TBC1D7: variants seen among roughly 807,000 people sequenced by gnomAD.
TBC1D7 encodes the protein TBC1 domain family member 7.
In TBC1D7, 33 loss-of-function variants were observed where a neutral mutation model predicts 35.3. That is an observed-to-expected ratio of 0.93 (90% CI 0.71 to 1.25). The LOEUF is 1.25. TBC1D7 is among the 50% of genes most tolerant of loss of function. The pLI, the probability that TBC1D7 is intolerant of heterozygous loss-of-function variation, is 0.00. For missense variants in TBC1D7, 362 were observed against 365.3 expected, an observed-to-expected ratio of 0.99 and a Z score of 0.07; for synonymous variants, 135 against 129.5, an observed-to-expected ratio of 1.04 and a Z score of -0.29.
chr6:13,310,166 A>T (rs1426886574), intron 5 of TBC1D7, among the ~76,000 whole-genome samples: 1 of 152,232 alleles, frequency 6.6e-6, no homozygotes, highest in African/African-American at 2.4e-5. Context: ...ATCTATTTTC[A>T]GGGAATCCAA....
chr6:13,309,697 C>T (rs1783058623), intron 5 of TBC1D7, among the ~76,000 whole-genome samples: 1 of 152,148 alleles, frequency 6.6e-6, no homozygotes, highest in Admixed American at 6.5e-5. Context: ...GAGCATCTAT[C>T]CTGCATACAT....
At chr6:13,322,331 C>T (rs990140290) in intron 3 of TBC1D7, among the ~76,000 whole-genome samples, 2 of 152,094 alleles carry the variant, frequency 1.3e-5, no homozygotes, top group African/African-American at 4.8e-5. Flanking sequence ...TGAGGCTCTA[C>T]AGAAGTACAG....
chr6:13,305,063 G>C lies in TBC1D7; in HGVS notation c.*38C>G. 1 of 1,509,220 alleles carries C rather than the reference G, an allele frequency of 6.6e-7. No homozygotes were observed. The highest frequency in any genetic ancestry group is 9.1e-7 in the Non-Finnish European group (1 of 1,103,188). 93.5% of individuals were successfully genotyped at this position (1,509,220 alleles called of 1,614,324 possible). On this transcript the variant is annotated 3_prime_UTR_variant, in exon 8 of 8. Transcript: ENST00000379300. ...ACATGCCAAGAACACAATGCTCACTGTGGTGCCTGGCAGACGGTCCACAAC... is the reference window on the plus strand; with the variant it reads ...ACATGCCAAGAACACAATGCTCACTCTGGTGCCTGGCAGACGGTCCACAAC...
intron 1 of TBC1D7, chr6:13,327,973 G>T (rs1326331781): frequency 6.6e-6 from 1 of 152,172 alleles, no homozygotes; most frequent in East Asian, 1.9e-4. Context: ...GAAAGATTAG[G>T]ATTCGTTTAG....
chr6:13,310,637 CAAA>C (rs546122443), intron 5 of TBC1D7, among the ~76,000 whole-genome samples: 6 of 72,986 alleles, frequency 8.2e-5, no homozygotes, highest in South Asian at 5.7e-4. Flanking sequence ...GACTCCGTCT[CAAA>C]AAAAAAAAAA....
intron 5 of TBC1D7, among the ~76,000 whole-genome samples, chr6:13,311,462 T>G (rs1011302227): frequency 6.6e-6 from 1 of 152,166 alleles, no homozygotes; most frequent in African/African-American, 2.4e-5. Context: ...ATACACACAT[T>G]TCCATAGAAC....
In TBC1D7 at chr6:13,305,649, A is replaced by C. The variant is rs138351114; in HGVS notation, c.796-462T>G. ...AGGCCATTTTTCAAATGTTAATACTATTTTAAAAATGAATAGATTTTGGAT... is the reference window on the plus strand; with the variant it reads ...AGGCCATTTTTCAAATGTTAATACTCTTTTAAAAATGAATAGATTTTGGAT... On this transcript the variant is annotated intron_variant, in intron 7 of 7. Transcript: ENST00000379300. The C allele has an allele frequency of 5.6e-3, 924 of 165,528 alleles. 13 individuals carry two copies. The highest frequency in any genetic ancestry group is 0.02 in the African/African-American group (829 of 41,640). 10.3% of individuals were successfully genotyped at this position (165,528 alleles called of 1,614,324 possible). A position where few individuals can be genotyped will look rare whatever the true frequency, so the allele number is the denominator to read the frequency against.
At chr6:13,313,048 G>C (rs1429974865) in intron 5 of TBC1D7, among the ~76,000 whole-genome samples, 1 of 152,010 alleles carries the variant, frequency 6.6e-6, no homozygotes, top group African/African-American at 2.4e-5. Context: ...TATTTACATA[G>C]CATTTACATT....
At chr6:13,310,759 G>A (rs1783153185) in intron 5 of TBC1D7, among the ~76,000 whole-genome samples, 1 of 151,980 alleles carries the variant, frequency 6.6e-6, no homozygotes, top group Non-Finnish European at 1.5e-5. Context: ...TACATAGCAA[G>A]TAAAAAGAGC....
chr6:13,312,254 G>A (rs1783271563), intron 5 of TBC1D7, among the ~76,000 whole-genome samples: 1 of 152,198 alleles, frequency 6.6e-6, no homozygotes, highest in African/African-American at 2.4e-5. Flanking sequence ...AAGAGGAACA[G>A]GAGGAGGAGT....
chr6:13,327,194 T>C (rs111357476), intron 1 of TBC1D7, among the ~76,000 whole-genome samples: 1 of 152,128 alleles, frequency 6.6e-6, no homozygotes, highest in Non-Finnish European at 1.5e-5. Context: ...TACCTATGAG[T>C]GCCTAGCACA....
rs752338290 is a variant in TBC1D7, at chr6:13,325,082, T to C, written c.193+12A>G. On this transcript the variant is annotated intron_variant, in intron 3 of 7. Coordinates refer to ENST00000379300, the MANE Select transcript of TBC1D7 (RefSeq NM_016495.6). ...TTTTTAAGATAAATCTTCCAACTCC[T>C]GGGTCTCATACCTAGAAGCACCTTC... 6.3e-7 allele frequency: 1 copy of C among 1,589,770 alleles called. No individual in the cohort carries two copies. Among genetic ancestry groups the C allele is most frequent in the South Asian group, 1.1e-5 (1 of 88,008 alleles).
At position 13,321,002 on chromosome 6, in the gene TBC1D7, C is replaced by G; in HGVS notation, c.287G>C (p.Arg96Pro). The G allele has an allele frequency of 6.2e-7, 1 of 1,614,142 alleles. No homozygotes were observed. Among genetic ancestry groups the G allele is most frequent in the Non-Finnish European group, 8.5e-7 (1 of 1,180,014 alleles). Reference sequence around the variant, plus strand: ...CTGAGGTGTGGCATCACTAACAAAGCGAACGACTTTCAGGGCATGAAGGAC... The same window carrying G: ...CTGAGGTGTGGCATCACTAACAAAGGGAACGACTTTCAGGGCATGAAGGAC... Reference protein sequence around the residue: ...LDVLHALKVVRFVSDATPQAE... With the variant: ...LDVLHALKVVPFVSDATPQAE... Residue 96 changes from arginine (R) to proline (P), a missense_variant, in exon 4 of 8, where the codon CGC becomes CCC. Transcript: ENST00000379300.
intron 5 of TBC1D7, among the ~76,000 whole-genome samples, chr6:13,308,232 G>C (rs1000694125): frequency 3.3e-5 from 5 of 152,156 alleles, no homozygotes; most frequent in South Asian, 2.1e-4. Context: ...GGAAGAGTAA[G>C]ACAAAAAGTG....
chr6:13,314,246 A>G (rs1251985504), intron 5 of TBC1D7, among the ~76,000 whole-genome samples: 1 of 151,948 alleles, frequency 6.6e-6, no homozygotes, highest in African/African-American at 2.4e-5. Flanking sequence ...TCATAGATGC[A>G]TGCACATAAG....
chr6:13,305,333 C>T, intron 7 of TBC1D7, 146 bp from the exon 8 acceptor site: 2 of 765,744 alleles, frequency 2.6e-6, no homozygotes, highest in East Asian at 5.4e-5. Flanking sequence ...GCGTCACATG[C>T]TACCTGAGGA....
chr6:13,309,432 G>A (rs1204465278), intron 5 of TBC1D7, among the ~76,000 whole-genome samples: 3 of 152,150 alleles, frequency 2.0e-5, no homozygotes, highest in Non-Finnish European at 4.4e-5. Flanking sequence ...GGCATGGTAA[G>A]CACTCAATAT....
chr6:13,310,725 A>G (rs913493955), intron 5 of TBC1D7, among the ~76,000 whole-genome samples: 2 of 152,080 alleles, frequency 1.3e-5, no homozygotes, highest in African/African-American at 2.4e-5. Flanking sequence ...GTATCTCTGT[A>G]TACTAATATG....
At chr6:13,314,681 G>T (rs1485675994) in intron 5 of TBC1D7, among the ~76,000 whole-genome samples, 2 of 152,148 alleles carry the variant, frequency 1.3e-5, no homozygotes, top group Non-Finnish European at 1.5e-5. Flanking sequence ...GCTCTTGTAA[G>T]TGTTCTCAGA....
Sources: allele counts gnomAD v4.1 joint callset (sites outside exome capture counted in the v4.1 genomes callset), GRCh38; gene constraint gnomAD v4.1.1; transcripts MANE v1.5; gene names NCBI Gene and HGNC (gene_info 2026-07-23, HGNC 2026-07-21).